The following NPHP1 variants were observed in gnomAD, a reference collection of about 807,000 sequenced individuals.
NPHP1 encodes the protein nephrocystin-1.
NPHP1 carries 70 observed loss-of-function variants against 90.4 expected under a neutral mutation model. The observed-to-expected ratio is 0.77, with a 90% confidence interval of 0.64 to 0.95. The LOEUF is 0.95. Ranked by LOEUF, NPHP1 falls within the 40% of genes least tolerant of loss-of-function variation. NPHP1 has a pLI of 0.00. For synonymous variants in NPHP1, 256 were observed against 271.7 expected, an observed-to-expected ratio of 0.94 and a Z score of 0.57; for missense variants, 764 against 795.9, an observed-to-expected ratio of 0.96 and a Z score of 0.48.
At chr2:110,141,836 G>T (rs1680656360) in intron 16 of NPHP1, among the ~76,000 whole-genome samples, 1 of 151,952 alleles carries the variant, frequency 6.6e-6, no homozygotes, top group Non-Finnish European at 1.5e-5. Context: ...AGCAGGGCGT[G>T]GTGGCGGGCG....
intron 11 of NPHP1, among the ~76,000 whole-genome samples, chr2:110,157,047 T>A (rs1366363023): frequency 2.0e-5 from 3 of 152,120 alleles, no homozygotes; most frequent in Non-Finnish European, 4.4e-5. Context: ...AGTGCGGGGA[T>A]TACAGGCGTG....
At chr2:110,199,977 G>T (rs922873744) in intron 2 of NPHP1, among the ~76,000 whole-genome samples, 5 of 152,166 alleles carry the variant, frequency 3.3e-5, no homozygotes, top group Non-Finnish European at 7.4e-5. Flanking sequence ...ATTATTAGGG[G>T]CCGGGCGCGG....
At chr2:110,156,026 T>A (rs1192545971) in intron 11 of NPHP1, among the ~76,000 whole-genome samples, 2 of 151,456 alleles carry the variant, frequency 1.3e-5, no homozygotes, top group Non-Finnish European at 2.9e-5. Flanking sequence ...TCACATGTCG[T>A]GGGAGGAAAC....
chr2:110,126,500 T>C (rs1679379588), intron 18 of NPHP1: 2 of 152,414 alleles, frequency 1.3e-5, no homozygotes. Flanking sequence ...ATGCCACTCA[T>C]GAGAACATTT....
chr2:110,128,834 T>C (rs960610356), intron 18 of NPHP1: 1 of 302,990 alleles, frequency 3.3e-6, no homozygotes, highest in African/African-American at 2.1e-5. Context: ...TTAAAGATGA[T>C]GTGCATGCCC....
At chr2:110,198,701 G>A (rs1405949917) in intron 2 of NPHP1, among the ~76,000 whole-genome samples, 12 of 152,052 alleles carry the variant, frequency 7.9e-5, no homozygotes, top group African/African-American at 2.7e-4. Context: ...GGCACTGGGG[G>A]ATCCTCAGAC....
At chr2:110,134,658 A>G (rs2104447505) in intron 16 of NPHP1, among the ~76,000 whole-genome samples, 1 of 152,226 alleles carries the variant, frequency 6.6e-6, no homozygotes, top group South Asian at 2.1e-4. Context: ...AAATTTATTA[A>G]TGAAATTCAA....
chr2:110,189,284 G>A (rs957188044), intron 2 of NPHP1, among the ~76,000 whole-genome samples: 5 of 152,094 alleles, frequency 3.3e-5, no homozygotes, highest in Admixed American at 2.0e-4. Flanking sequence ...TCTTAAAGGC[G>A]GCGTGTCCAG....
At chr2:110,196,969 G>A (rs915509253) in intron 2 of NPHP1, among the ~76,000 whole-genome samples, 17 of 152,130 alleles carry the variant, frequency 1.1e-4, no homozygotes, top group African/African-American at 4.1e-4. Flanking sequence ...ACAAAATCAT[G>A]TCCTTTGGAG....
intron 19 of NPHP1, chr2:110,125,278 CA>C (rs1679267561): frequency 6.5e-7 from 1 of 1,535,726 alleles, no homozygotes; most frequent in African/African-American, 1.4e-5. Context: ...TGGTACAGCT[CA>C]GGCCATTTTT....
chr2:110,160,177 T>A lies in NPHP1; in HGVS notation c.1033A>T (p.Ile345Leu). ...CKMIPLPGMSIQVLSRHVRLC... is the reference protein window; with the variant it reads ...CKMIPLPGMSLQVLSRHVRLC... ...CGTACATGTCTGCTGAGAACCTGTATGCTCATTCCTGGAAGAGGAATCATT... is the reference window on the plus strand; with the variant it reads ...CGTACATGTCTGCTGAGAACCTGTAAGCTCATTCCTGGAAGAGGAATCATT... Residue 345 changes from isoleucine to leucine, a missense_variant, in exon 11 of 20, where the codon ATA becomes TTA. Ile to Leu is a conservative substitution (Grantham distance 5, BLOSUM62 2). Transcript: ENST00000445609. The A allele has an allele frequency of 6.2e-7, 1 of 1,612,558 alleles. No individual in the cohort carries two copies.
intron 2 of NPHP1, among the ~76,000 whole-genome samples, chr2:110,192,098 G>A (rs899723758): frequency 1.5e-4 from 23 of 152,230 alleles, no homozygotes; most frequent in African/African-American, 3.4e-4. Flanking sequence ...AAATCAGAGC[G>A]CCTCTCCTCC....
At chr2:110,168,396 A>C in intron 6 of NPHP1, 56 bp downstream of exon 6, 1 of 1,078,854 alleles carries the variant, frequency 9.3e-7, no homozygotes. Flanking sequence ...TAAATGTTTT[A>C]TTAAAAGCGA....
At position 110,179,674 on chromosome 2, in the gene NPHP1, A is replaced by G; in HGVS notation, c.154T>C (p.Leu52=). Residue 52 remains leucine, a synonymous_variant, in exon 3 of 20, where the codon TTA becomes CTA. Transcript: ENST00000445609. ...TTATTTTCATCTATTGCCTGCTTTA[A>G]CTGGATACATCTAAATTAAGAAAAA... ...RQHIYQRCIQ[L]KQAIDENKNA... 1.5e-6 allele frequency: 2 copies of G among 1,332,934 alleles called. No homozygotes were observed. The highest frequency in any genetic ancestry group is 2.1e-6 in the Non-Finnish European group (2 of 930,640). 82.6% of individuals were successfully genotyped at this position (1,332,934 alleles called of 1,614,324 possible).
At chr2:110,159,115 T>C (rs1365910927) in intron 11 of NPHP1, among the ~76,000 whole-genome samples, 1 of 152,080 alleles carries the variant, frequency 6.6e-6, no homozygotes, top group Non-Finnish European at 1.5e-5. Context: ...ACATTTGAAT[T>C]CCTGAAATAA....
chr2:110,187,884 TTCA>T, intron 2 of NPHP1, among the ~76,000 whole-genome samples: 2 of 150,916 alleles, frequency 1.3e-5, no homozygotes, highest in Middle Eastern at 3.4e-3. Flanking sequence ...ATAAATGTGA[TTCA>T]TCACATAAAC....
intron 5 of NPHP1, among the ~76,000 whole-genome samples, chr2:110,169,584 TC>T (rs1171280517): frequency 3.3e-5 from 5 of 152,130 alleles, no homozygotes; most frequent in Non-Finnish European, 7.4e-5. Context: ...AATTAGGAAT[TC>T]TCAACATTAA....
intron 5 of NPHP1, among the ~76,000 whole-genome samples, chr2:110,169,516 C>T (rs1682960091): frequency 6.6e-6 from 1 of 152,068 alleles, no homozygotes; most frequent in Non-Finnish European, 1.5e-5. Context: ...CATTGCCTAA[C>T]TCACTTGAAT....
At chr2:110,190,996 AT>A (rs1306755922) in intron 2 of NPHP1, among the ~76,000 whole-genome samples, 1 of 152,096 alleles carries the variant, frequency 6.6e-6, no homozygotes, top group Non-Finnish European at 1.5e-5. Flanking sequence ...AAAAAAACAG[AT>A]GTTGGCAAAA....
Sources: allele counts gnomAD v4.1 joint callset (sites outside exome capture counted in the v4.1 genomes callset), GRCh38; gene constraint gnomAD v4.1.1; transcripts MANE v1.5; gene names NCBI Gene and HGNC (gene_info 2026-07-23, HGNC 2026-07-21).